PKLR: variants seen among roughly 807,000 people sequenced by gnomAD.
PKLR encodes the protein pyruvate kinase L/R.
In PKLR, 38 loss-of-function variants were observed where a neutral mutation model predicts 53.6. The ratio of observed to expected loss-of-function variants is 0.71; its 90% CI spans 0.55 to 0.93. The LOEUF (loss-of-function observed/expected upper bound fraction) is 0.93. Ranked by LOEUF, PKLR falls within the 40% of genes least tolerant of loss-of-function variation. The pLI, the probability that PKLR is intolerant of heterozygous loss-of-function variation, is 0.00. For missense variants in PKLR, 702 were observed against 787.3 expected (o/e 0.89, Z 1.30); for synonymous variants, 328 against 316.2 (o/e 1.04, Z -0.39).
At chr1:155,300,935 A>G (rs766209695) in intron 1 of PKLR, 2 of 1,599,044 alleles carry the variant, frequency 1.3e-6, no homozygotes, top group Admixed American at 3.5e-5. Flanking sequence ...TCTGCTCCAC[A>G]CTGTTGGGTT....
chr1:155,304,725 C>G (rs947128059), upstream of PKLR, among the ~76,000 whole-genome samples: 1 of 152,202 alleles, frequency 6.6e-6, no homozygotes, highest in Non-Finnish European at 1.5e-5. Context: ...GGGGGAAATT[C>G]AAGCTTTCTG....
At chr1:155,296,980 T>C (rs532259784) in intron 2 of PKLR, among the ~76,000 whole-genome samples, 33 of 152,222 alleles carry the variant, frequency 2.2e-4, no homozygotes, top group African/African-American at 7.9e-4. Context: ...TGAACATACA[T>C]CCTTCTTTGA....
At position 155,292,223 on chromosome 1, in the gene PKLR, A is replaced by T. The variant is rs8177987; in HGVS notation, c.1437-286T>A. On this transcript the variant is annotated intron_variant, in intron 9 of 10. Coordinates refer to ENST00000342741, the MANE Select transcript of PKLR (RefSeq NM_000298.6). ...AGACCAGCCTAGGCAACATAGTGAG[A>T]CCCCATCTCTGCATTAAGAAAAAAA... is the stretch of plus-strand genomic sequence containing the variant. Among the ~76,000 whole-genome samples the T allele has an allele frequency of 3.6e-3, 502 of 137,536 alleles. 1 individual carries two copies. The highest frequency in any genetic ancestry group is 0.012 in the Admixed American group (159 of 13,436). 90.2% of individuals were successfully genotyped at this position (137,536 alleles called of 152,430 possible).
chr1:155,302,119 G>A (rs957892107), upstream of PKLR, among the ~76,000 whole-genome samples: 20 of 149,562 alleles, frequency 1.3e-4, no homozygotes, highest in African/African-American at 5.0e-4. Context: ...GTGCAGTGGC[G>A]CAATCTCAGT....
At chr1:155,297,532 G>T (rs1312601722) in intron 2 of PKLR, among the ~76,000 whole-genome samples, 1 of 152,106 alleles carries the variant, frequency 6.6e-6, no homozygotes, top group East Asian at 1.9e-4. Flanking sequence ...CCTCACTGCC[G>T]CCAACTGGTC....
chr1:155,295,409 C>T lies in PKLR; in HGVS notation c.507+28G>A, dbSNP rs1232478523. On this transcript the variant is annotated intron_variant, in intron 4 of 10. Transcript: ENST00000342741. This position sits in a 1 kb window ranked among gnomAD's most constrained non-coding sequence, Gnocchi z 4.3. ...ACAGGCGCCGCCTTTCCGGCCCTGG[C>T]CCAGCGAGTCCCAGCCCCACTGCTC... 1 of 1,611,322 alleles carries T rather than the reference C, an allele frequency of 6.2e-7. No homozygotes were observed.
the PKLR span, among the ~76,000 whole-genome samples, chr1:155,308,019 C>G: frequency 1.1e-4 from 16 of 151,722 alleles, no homozygotes; most frequent in Middle Eastern, 6.9e-3. Flanking sequence ...GCAGGTGATC[C>G]GCCCAAAGTG....
In PKLR at chr1:155,294,570, C is replaced by A; in HGVS notation, c.877G>T (p.Asp293Tyr). 6.2e-7 allele frequency: 1 copy of A among 1,614,224 alleles called. No homozygotes were observed. Among genetic ancestry groups the A allele is most frequent in the Non-Finnish European group, 8.5e-7 (1 of 1,180,034 alleles). ...VFASFVRKAS[D>Y]VAAVRAALGP... is the part of the protein sequence containing the mutation. ...AGAGCAGCCCTGACGGCAGCCACGT[C>A]GCTGGCTTTCCGCACAAAGGAGGCA... Residue 293 changes from aspartate to tyrosine, a missense_variant, in exon 6 of 11, where the codon GAC (aspartate) becomes TAC (tyrosine). Asp to Tyr is a radical substitution (Grantham distance 160). Transcript: ENST00000342741.
intron 9 of PKLR, among the ~76,000 whole-genome samples, chr1:155,292,632 G>A (rs1228997970): frequency 4.6e-5 from 7 of 152,070 alleles, no homozygotes; most frequent in African/African-American, 7.2e-5. Flanking sequence ...GCGAGCTGCC[G>A]TTCTCAAAAG....
At chr1:155,291,617 T>C (rs1674545935) in intron 10 of PKLR, 139 bp downstream of exon 10, 3 of 765,318 alleles carry the variant, frequency 3.9e-6, no homozygotes, top group East Asian at 5.1e-5. Flanking sequence ...CAGACTGATA[T>C]CTCAGTCTTA....
rs1320183419 is a variant in PKLR, at chr1:155,295,893, T to C, written c.284-137A>G. 13 of 743,250 alleles carry C rather than the reference T, an allele frequency of 1.7e-5. No individual in the cohort carries two copies. The highest frequency in any genetic ancestry group is 3.1e-5 in the Non-Finnish European group (13 of 420,562). The allele number at this position is 743,250 out of a possible 1,614,324, so 46.0% of individuals were successfully genotyped here. A position where few individuals can be genotyped will look rare whatever the true frequency, so the allele number is the denominator to read the frequency against. On this transcript the variant is annotated intron_variant, in intron 2 of 10. Transcript: ENST00000342741. This position sits in a 1 kb window ranked among gnomAD's most constrained non-coding sequence, Gnocchi z 4.3. The stretch of plus-strand genomic sequence containing the variant: ...GATCTTTATTCCCTGATGCAACCCC[T>C]GCCCACAGATCACAGACTCCCCTTC...
chr1:155,294,573 T>C lies in PKLR; in HGVS notation c.874A>G (p.Ser292Gly), dbSNP rs749573131. 1.1e-5 allele frequency: 18 copies of C among 1,614,212 alleles called. No individual in the cohort carries two copies. Among genetic ancestry groups the C allele is most frequent in the Non-Finnish European group, 1.5e-5 (18 of 1,180,034 alleles). ...GCAGCCCTGACGGCAGCCACGTCGCTGGCTTTCCGCACAAAGGAGGCAAAG... is the reference window on the plus strand; with the variant it reads ...GCAGCCCTGACGGCAGCCACGTCGCCGGCTTTCCGCACAAAGGAGGCAAAG... The part of the protein sequence containing the change: ...IVFASFVRKA[S>G]DVAAVRAALG... Residue 292 changes from serine (S) to glycine (G), a missense_variant, in exon 6 of 11, where the codon AGC becomes GGC. Physicochemically the swap from Ser to Gly is moderately conservative, Grantham distance 56. Around this residue, in one of 2 missense-constraint regions of PKLR, gnomAD observed 519 missense variants for 537.1 expected, o/e 0.97. Transcript: ENST00000342741.
upstream of PKLR, among the ~76,000 whole-genome samples, chr1:155,304,251 G>A (rs529906741): frequency 3.3e-5 from 5 of 151,958 alleles, no homozygotes; most frequent in Admixed American, 2.6e-4. Context: ...TGGCTAACAC[G>A]GTAAAACCTC....
intron 2 of PKLR, among the ~76,000 whole-genome samples, chr1:155,298,078 G>A (rs1005428508): frequency 3.3e-5 from 5 of 151,110 alleles, no homozygotes; most frequent in South Asian, 2.1e-4. Context: ...ATGGAATCTC[G>A]CTCTGTCACC....
In PKLR at chr1:155,294,544, C is replaced by T. The variant is rs761529212; in HGVS notation, c.903G>A (p.Leu301=). The T allele has an allele frequency of 3.1e-6, 5 of 1,614,192 alleles. No individual in the cohort carries two copies. In the South Asian group the frequency reaches 5.5e-5, roughly 18 times the overall value. ...TCTTGATGCCGTGTCCTTCCGGACCCAGAGCAGCCCTGACGGCAGCCACGT... is the reference window on the plus strand; with the variant it reads ...TCTTGATGCCGTGTCCTTCCGGACCTAGAGCAGCCCTGACGGCAGCCACGT... ...ASDVAAVRAA[L]GPEGHGIKII... The change falls in exon 6 of 11, where the codon CTG becomes CTA. Residue 301 remains leucine (L), a synonymous_variant. Coordinates refer to ENST00000342741, the MANE Select transcript of PKLR (RefSeq NM_000298.6).
At chr1:155,299,568 G>A (rs1321079092) in intron 2 of PKLR, among the ~76,000 whole-genome samples, 1 of 125,112 alleles carries the variant, frequency 8.0e-6, no homozygotes, top group Non-Finnish European at 1.6e-5. Context: ...ATGCAATGGT[G>A]TGATCTCGGC....
chr1:155,290,357 T>G lies in PKLR; in HGVS notation c.*215A>C. On this transcript the variant is annotated 3_prime_UTR_variant, in exon 11 of 11. Transcript: ENST00000342741. ...GCCAGTGCATAATTGGACACAGACT[T>G]TCAGGACCTGTGTGAAATGGAGATG... 1 of 591,838 alleles carries G rather than the reference T, an allele frequency of 1.7e-6. No individual in the cohort carries two copies. Among genetic ancestry groups the G allele is most frequent in the Non-Finnish European group, 3.0e-6 (1 of 329,856 alleles). The allele number at this position is 591,838 out of a possible 1,614,324, so 36.7% of individuals were successfully genotyped here.
At chr1:155,298,711 G>A (rs1238798864) in intron 2 of PKLR, among the ~76,000 whole-genome samples, 1 of 151,374 alleles carries the variant, frequency 6.6e-6, no homozygotes, top group African/African-American at 2.4e-5. Flanking sequence ...GCGTGATCTT[G>A]GCTCACTGCA....
At chr1:155,292,074 G>T (rs1387280706) in intron 9 of PKLR, 137 bp from the exon 10 acceptor site, 1 of 819,956 alleles carries the variant, frequency 1.2e-6, no homozygotes, top group Non-Finnish European at 2.0e-6. Context: ...CTGGGCCTTG[G>T]TGTTCTCACC....
Sources: gnomAD v4.1 joint callset for allele counts (sites outside exome capture counted in the v4.1 genomes callset) on GRCh38, gnomAD v4.1.1 for gene constraint, gnomAD v4.1.1 regional missense constraint, Gnocchi (gnomAD v3.1) non-coding constraint, MANE v1.5 for transcripts, NCBI Gene and HGNC (gene_info 2026-07-23, HGNC 2026-07-21) for gene names.